The following ASPG variants were observed in gnomAD, a reference collection of about 807,000 sequenced individuals.
ASPG encodes 60 kDa lysophospholipase.
A neutral mutation model predicts 63.2 loss-of-function variants in ASPG; 53 were observed. That is an observed-to-expected ratio of 0.84 (90% confidence interval 0.67 to 1.05). ASPG has a LOEUF of 1.05. Among genes scored for constraint, ASPG ranks in the 50% least tolerant of loss-of-function variants. The pLI is 0.00. For synonymous variants in ASPG, 370 were observed against 355.0 expected, an observed-to-expected ratio of 1.04 and a Z score of -0.48; for missense variants, 741 against 794.4, an observed-to-expected ratio of 0.93 and a Z score of 0.81.
chr14:104,112,470 C>A, intron 15 of ASPG, 54 bp from the exon 16 acceptor site: 1 of 1,024,714 alleles, frequency 9.8e-7, no homozygotes. Flanking sequence ...TGTCTCTCTG[C>A]CCTGCCTTCG....
chr14:104,101,849 C>T (rs892848155), intron 6 of ASPG, among the ~76,000 whole-genome samples: 1 of 152,184 alleles, frequency 6.6e-6, no homozygotes, highest in African/African-American at 2.4e-5. Flanking sequence ...GCTGAGCTCC[C>T]GTATCTGTAG....
At chr14:104,111,626 C>T in intron 14 of ASPG, 25 bp downstream of exon 14, 1 of 1,541,432 alleles carries the variant, frequency 6.5e-7, no homozygotes, top group Non-Finnish European at 8.8e-7. Flanking sequence ...CCCCTGCACC[C>T]TCTCCAAAGG....
rs755761694 is a variant in ASPG, at chr14:104,110,569, G to A, written c.1521-933G>A. 34 of 985,130 alleles carry A rather than the reference G, an allele frequency of 3.5e-5. No individual in the cohort carries two copies. The highest frequency in any genetic ancestry group is 1.1e-4 in the East Asian group (1 of 8,810). The allele number at this position is 985,130 out of a possible 1,614,324, so 61.0% of individuals were successfully genotyped here. ...CCTCGGCTAGGCCTTCCTAGGGGCCGGTGTGTGTGTGGGGCTTGGCCTCTT... is the reference window on the plus strand; with the variant it reads ...CCTCGGCTAGGCCTTCCTAGGGGCCAGTGTGTGTGTGGGGCTTGGCCTCTT... On this transcript the variant is annotated intron_variant, in intron 13 of 15. Transcript: ENST00000551177. The surrounding 1 kb of genome is among the most constrained non-coding windows in gnomAD (Gnocchi z 4.7).
At position 104,103,623 on chromosome 14, in the gene ASPG, T is replaced by C; in HGVS notation, c.701T>C (p.Met234Thr). The C allele has an allele frequency of 6.5e-7, 1 of 1,548,134 alleles. No individual in the cohort carries two copies. The highest frequency in any genetic ancestry group is 8.7e-7 in the Non-Finnish European group (1 of 1,146,764). Residue 234 changes from methionine (M) to threonine (T), a missense_variant, in exon 7 of 16, where the codon ATG becomes ACG. By Grantham distance (81) the Met-to-Thr change is moderately conservative (BLOSUM62 -1). Coordinates refer to ENST00000551177, the MANE Select transcript of ASPG (RefSeq NM_001080464.3). ...GKAGLVVHSS[M>T]EQDVGLLRLY... ...GCTGGGCTGGTGGTGCACAGCAGCA[T>C]GGAGCAGGACGTGGGCCTGCTGCGC...
At chr14:104,112,131 G>A in intron 15 of ASPG, 131 bp downstream of exon 15, 1 of 839,688 alleles carries the variant, frequency 1.2e-6, no homozygotes, top group Non-Finnish European at 1.8e-6. Context: ...AGCCAGTTTA[G>A]GGTCTGCAGA....
intron 10 of ASPG, among the ~76,000 whole-genome samples, 189 bp downstream of exon 10, chr14:104,105,639 A>G (rs2037090834): frequency 6.6e-6 from 1 of 152,072 alleles, no homozygotes; most frequent in Non-Finnish European, 1.5e-5. Context: ...CAGGGTCTAT[A>G]AGGCAGGAGG....
intron 6 of ASPG, among the ~76,000 whole-genome samples, chr14:104,100,932 T>C (rs1454691519): frequency 6.6e-6 from 1 of 152,192 alleles, no homozygotes; most frequent in Non-Finnish European, 1.5e-5. Flanking sequence ...GGAGTGGAGC[T>C]TCTGCTGGTG....
intron 10 of ASPG, among the ~76,000 whole-genome samples, 191 bp downstream of exon 10, chr14:104,105,641 G>A (rs577097880): frequency 6.6e-6 from 1 of 152,314 alleles, no homozygotes; most frequent in African/African-American, 2.4e-5. Flanking sequence ...GGGTCTATAA[G>A]GCAGGAGGCA....
Position 104,109,209 on chromosome 14 carries a change from G to T in ASPG, c.1434-20G>T, listed in dbSNP as rs561069481. The stretch of plus-strand genomic sequence containing the variant: ...CTGGGCTGGCCAGGGCAGAAGGTCA[G>T]CATGCTCATTCTCACACAGGCATCC... On this transcript the variant is annotated intron_variant, in intron 12 of 15. Coordinates refer to ENST00000551177, the MANE Select transcript of ASPG (RefSeq NM_001080464.3). This position sits in a 1 kb window ranked among gnomAD's most constrained non-coding sequence, Gnocchi z 4.8. The T allele has an allele frequency of 6.2e-7, 1 of 1,612,012 alleles. No homozygotes were observed. The highest frequency in any genetic ancestry group is 1.3e-5 in the African/African-American group (1 of 75,040).
At chr14:104,098,470 A>G (rs1417185368) in intron 5 of ASPG, among the ~76,000 whole-genome samples, 1 of 152,188 alleles carries the variant, frequency 6.6e-6, no homozygotes, top group African/African-American at 2.4e-5. Flanking sequence ...CACCGTGGGC[A>G]GGGGCCTCCA....
chr14:104,105,091 C>G lies in ASPG; in HGVS notation c.1051-237C>G. On this transcript the variant is annotated intron_variant, in intron 9 of 15. Transcript: ENST00000551177. ...CCCCAGACCCTTGGGTTGCCAGCCTCTGGGGCTGGACGGAGGCTTTTGGGG... is the reference window on the plus strand; with the variant it reads ...CCCCAGACCCTTGGGTTGCCAGCCTGTGGGGCTGGACGGAGGCTTTTGGGG... 4.8e-6 allele frequency: 3 copies of G among 630,832 alleles called. No individual in the cohort carries two copies. In the South Asian group the frequency reaches 5.9e-5, roughly 12 times the overall value. The allele number at this position is 630,832 out of a possible 1,614,324, so 39.1% of individuals were successfully genotyped here.
At chr14:104,099,962 G>A (rs1566832386) in intron 6 of ASPG, among the ~76,000 whole-genome samples, 1 of 152,058 alleles carries the variant, frequency 6.6e-6, no homozygotes, top group Non-Finnish European at 1.5e-5. Flanking sequence ...GGGTGGAGGC[G>A]CCCCCTCACC....
chr14:104,107,484 C>A, intron 12 of ASPG, 139 bp downstream of exon 12: 2 of 875,370 alleles, frequency 2.3e-6, no homozygotes, highest in Non-Finnish European at 1.6e-6. Context: ...GCCCCCGCAG[C>A]CCGGGGCCCA....
Position 104,109,956 on chromosome 14 carries a change from G to A in ASPG, c.1520+641G>A. ...TGAGGCGCAGGGAGGCCTTCGGCGA[G>A]GGTGTCGGTTGTGGGTGGAGGTGGG... On this transcript the variant is annotated intron_variant, in intron 13 of 15. Coordinates refer to ENST00000551177, the MANE Select transcript of ASPG (RefSeq NM_001080464.3). This position sits in a 1 kb window ranked among gnomAD's most constrained non-coding sequence, Gnocchi z 4.8. 1.0e-6 allele frequency: 1 copy of A among 985,338 alleles called. No individual in the cohort carries two copies. Among genetic ancestry groups the A allele is most frequent in the Non-Finnish European group, 1.2e-6 (1 of 829,898 alleles). 61.0% of individuals were successfully genotyped at this position (985,338 alleles called of 1,614,324 possible).
chr14:104,107,634 G>A (rs917045598), intron 12 of ASPG, among the ~76,000 whole-genome samples: 3 of 152,176 alleles, frequency 2.0e-5, no homozygotes, highest in Non-Finnish European at 2.9e-5. Context: ...GCAGCCAGAC[G>A]CGGTCAATAA....
intron 6 of ASPG, among the ~76,000 whole-genome samples, chr14:104,100,257 T>G (rs569211156): frequency 6.6e-6 from 1 of 152,032 alleles, no homozygotes; most frequent in East Asian, 2.0e-4. Flanking sequence ...GCAGGGGCCT[T>G]CCTGGAGCAT....
At chr14:104,085,929 G>A (rs1201247108) in intron 1 of ASPG, 77 bp downstream of exon 1, 6 of 1,337,576 alleles carry the variant, frequency 4.5e-6, no homozygotes, top group South Asian at 1.4e-5. Flanking sequence ...CTGCACCCAC[G>A]GGGGTCGTTG....
Position 104,109,449 on chromosome 14 carries a change from T to G in ASPG, c.1520+134T>G. ...CAGAGGCGAGGCCCGCTGACCTCAG[T>G]GTGCACCAACCTGGCTGATGGGAAG... On this transcript the variant is annotated intron_variant, in intron 13 of 15. Coordinates refer to ENST00000551177, the MANE Select transcript of ASPG (RefSeq NM_001080464.3). The surrounding 1 kb of genome is among the most constrained non-coding windows in gnomAD (Gnocchi z 4.8). 1 of 965,778 alleles carries G rather than the reference T, an allele frequency of 1.0e-6. No individual in the cohort carries two copies. The highest frequency in any genetic ancestry group is 2.6e-5 in the Admixed American group (1 of 38,926). The allele number at this position is 965,778 out of a possible 1,614,324, so 59.8% of individuals were successfully genotyped here.
At position 104,104,749 on chromosome 14, in the gene ASPG, C is replaced by G. The variant is rs765408081; in HGVS notation, c.1050+14C>G. Reference sequence around the variant, plus strand: ...GTCAGGAAGGAGGTGCGGGCGCTCTCGGGCTGTGGGCAACCCTCGGTGTGC... The same window carrying G: ...GTCAGGAAGGAGGTGCGGGCGCTCTGGGGCTGTGGGCAACCCTCGGTGTGC... On this transcript the variant is annotated intron_variant, in intron 9 of 15. Coordinates refer to ENST00000551177, the MANE Select transcript of ASPG (RefSeq NM_001080464.3). 6.3e-7 allele frequency: 1 copy of G among 1,577,236 alleles called. No individual in the cohort carries two copies. Among genetic ancestry groups the G allele is most frequent in the Non-Finnish European group, 8.6e-7 (1 of 1,157,404 alleles).
Sources: gnomAD v4.1 joint callset for allele counts (sites outside exome capture counted in the v4.1 genomes callset) on GRCh38, gnomAD v4.1.1 for gene constraint, Gnocchi (gnomAD v3.1) non-coding constraint, MANE v1.5 for transcripts, NCBI Gene and HGNC (gene_info 2026-07-23, HGNC 2026-07-21) for gene names.